FSHR: variants seen among roughly 807,000 people sequenced by gnomAD.
The protein encoded by FSHR is follicle-stimulating hormone receptor.
FSHR carries 46 observed loss-of-function variants against 52.1 expected under a neutral mutation model. That is an observed-to-expected ratio of 0.88 (90% CI 0.70 to 1.13). The LOEUF (loss-of-function observed/expected upper bound fraction) is 1.13. Among genes scored for constraint, FSHR ranks in the 50% most tolerant of loss-of-function variants. FSHR has a pLI of 0.00. For synonymous variants in FSHR, 399 were observed against 309.6 expected, an observed-to-expected ratio of 1.29 and a Z score of -3.03; for missense variants, 964 against 834.6, an observed-to-expected ratio of 1.16 and a Z score of -1.91.
At chr2:49,141,244 G>A (rs571142210) in intron 1 of FSHR, among the ~76,000 whole-genome samples, 1 of 152,260 alleles carries the variant, frequency 6.6e-6, no homozygotes, top group South Asian at 2.1e-4. Flanking sequence ...ACCCATCTGT[G>A]TTAGGCTGTT....
chr2:48,988,401 T>TGGATAAACTGCTACAGG (rs1675614942), intron 6 of FSHR, among the ~76,000 whole-genome samples: 1 of 152,100 alleles, frequency 6.6e-6, no homozygotes, highest in African/African-American at 2.4e-5. Context: ...TACTTGTGAG[T>TGGATAAACTGCTACAGG]GGATAAACTG....
chr2:49,048,651 C>T (rs1322082537), intron 2 of FSHR, among the ~76,000 whole-genome samples: 2 of 152,210 alleles, frequency 1.3e-5, no homozygotes, highest in Non-Finnish European at 2.9e-5. Flanking sequence ...CTCTCAGAAC[C>T]TCAGACCCAC....
chr2:49,119,012 AAGAGCCT>A (rs1318582238), intron 1 of FSHR, among the ~76,000 whole-genome samples: 1 of 152,192 alleles, frequency 6.6e-6, no homozygotes, highest in Non-Finnish European at 1.5e-5. Context: ...TGATGGTGTC[AAGAGCCT>A]AGACACCAAC....
At chr2:49,151,018 C>G (rs1325351474) in intron 1 of FSHR, among the ~76,000 whole-genome samples, 1 of 151,974 alleles carries the variant, frequency 6.6e-6, no homozygotes, top group East Asian at 1.9e-4. Flanking sequence ...TGGAACATGT[C>G]CATGTTCATT....
At chr2:48,985,704 T>G (rs1425937906) in intron 6 of FSHR, among the ~76,000 whole-genome samples, 5 of 133,024 alleles carry the variant, frequency 3.8e-5, no homozygotes, top group African/African-American at 8.8e-5. Flanking sequence ...CAGGTTTTTT[T>G]TTTTTTTTTT....
chr2:49,145,877 GA>G, intron 1 of FSHR, among the ~76,000 whole-genome samples: 1 of 152,150 alleles, frequency 6.6e-6, no homozygotes, highest in Non-Finnish European at 1.5e-5. Flanking sequence ...AGTAATATTG[GA>G]GTAGGAGAAT....
At chr2:49,136,840 CA>C (rs1672506639) in intron 1 of FSHR, among the ~76,000 whole-genome samples, 1 of 151,842 alleles carries the variant, frequency 6.6e-6, no homozygotes, top group South Asian at 2.1e-4. Flanking sequence ...GAATACTTAA[CA>C]AAAATAGAAG....
intron 2 of FSHR, among the ~76,000 whole-genome samples, chr2:49,046,349 T>G (rs1307387355): frequency 5.3e-5 from 8 of 152,232 alleles, no homozygotes; most frequent in Admixed American, 5.2e-4. Context: ...TTTGCATTCA[T>G]AAATATCTCA....
At chr2:49,127,752 T>C (rs1356146974) in intron 1 of FSHR, among the ~76,000 whole-genome samples, 2 of 11,898 alleles carry the variant, frequency 1.7e-4, no homozygotes, top group African/African-American at 7.3e-4. Flanking sequence ...TTCTTCTTCT[T>C]TCTTCTTCTT....
At position 49,117,851 on chromosome 2, in the gene FSHR, T is replaced by G. The variant is rs1671660209; in HGVS notation, c.152+36415A>C. On this transcript the variant is annotated intron_variant, in intron 1 of 9. Coordinates refer to ENST00000406846, the MANE Select transcript of FSHR (RefSeq NM_000145.4). Reference sequence around the variant, plus strand: ...ATGTTATCATTTGTATGTACCTCCATAAGCTCGATTTTGCGTGACAGTGAT... The same window carrying G: ...ATGTTATCATTTGTATGTACCTCCAGAAGCTCGATTTTGCGTGACAGTGAT... Among the ~76,000 whole-genome samples the G allele has an allele frequency of 2.0e-5, 3 of 152,206 alleles. No homozygotes were observed. In the South Asian group the frequency reaches 6.2e-4, roughly 31 times the overall value.
intron 1 of FSHR, among the ~76,000 whole-genome samples, chr2:49,115,883 G>A (rs1233220814): frequency 1.3e-5 from 2 of 152,168 alleles, no homozygotes; most frequent in Non-Finnish European, 2.9e-5. Flanking sequence ...GGTGTGATAT[G>A]TGCATGACAT....
In FSHR at chr2:49,123,740, G is replaced by A. The variant is rs530221514; in HGVS notation, c.152+30526C>T. Among the ~76,000 whole-genome samples the A allele has an allele frequency of 3.4e-3, 514 of 152,116 alleles. 2 individuals carry two copies. Among genetic ancestry groups the A allele is most frequent in the Non-Finnish European group, 5.8e-3 (393 of 67,970 alleles). On this transcript the variant is annotated intron_variant, in intron 1 of 9. Coordinates refer to ENST00000406846, the MANE Select transcript of FSHR (RefSeq NM_000145.4). ...TTCCATTCAGTGTTTCTCCCCAGGG[G>A]AGAGAGAGAGAAGGGATTCAGTAGA...
intron 2 of FSHR, among the ~76,000 whole-genome samples, chr2:49,036,157 A>T (rs544621408): frequency 6.6e-6 from 1 of 152,314 alleles, no homozygotes; most frequent in African/African-American, 2.4e-5. Context: ...ATCTGTAGCC[A>T]TGATTATTTA....
chr2:49,016,432 T>C (rs1572637415), intron 4 of FSHR, among the ~76,000 whole-genome samples: 1 of 152,136 alleles, frequency 6.6e-6, no homozygotes, highest in African/African-American at 2.4e-5. Flanking sequence ...GGCCTTAAGA[T>C]GCTTGCAGTC....
chr2:49,076,153 A>G (rs531365644), intron 1 of FSHR, among the ~76,000 whole-genome samples: 1 of 152,200 alleles, frequency 6.6e-6, no homozygotes, highest in Non-Finnish European at 1.5e-5. Flanking sequence ...AAAAATCCCA[A>G]TCTTATATAA....
intron 2 of FSHR, among the ~76,000 whole-genome samples, chr2:49,057,716 C>CA (rs756575869): frequency 3.2e-4 from 49 of 151,330 alleles, no homozygotes; most frequent in East Asian, 9.7e-4. Context: ...AAGGACATAG[C>CA]AAAAAAAAGA....
chr2:49,152,869 A>C (rs956348349), intron 1 of FSHR, among the ~76,000 whole-genome samples: 3 of 152,230 alleles, frequency 2.0e-5, no homozygotes, highest in African/African-American at 7.2e-5. Flanking sequence ...AAAGTCACTT[A>C]GGACCAAATG....
chr2:49,133,025 G>A (rs13424726), intron 1 of FSHR, among the ~76,000 whole-genome samples: 35,444 of 140,228 alleles, frequency 0.25, 4,671 homozygotes, highest in East Asian at 0.48. Context: ...AACCAAGACC[G>A]CTTGCTCCCT....
intron 1 of FSHR, among the ~76,000 whole-genome samples, chr2:49,087,085 T>TTTTTG (rs1670428630): frequency 6.9e-6 from 1 of 145,460 alleles, no homozygotes; most frequent in African/African-American, 2.6e-5. Context: ...TTTTTTTTTT[T>TTTTTG]TTTTTTTTTT....
Sources: gnomAD v4.1 joint callset for allele counts (sites outside exome capture counted in the v4.1 genomes callset) on GRCh38, gnomAD v4.1.1 for gene constraint, MANE v1.5 for transcripts, NCBI Gene and HGNC (gene_info 2026-07-23, HGNC 2026-07-21) for gene names.